TNS3: variants seen among roughly 807,000 people sequenced by gnomAD.
TNS3 encodes the protein tensin 3.
TNS3 carries 45 observed loss-of-function variants against 140.9 expected under a neutral mutation model. The observed-to-expected ratio is 0.32, with a 90% CI of 0.25 to 0.41. The LOEUF (loss-of-function observed/expected upper bound fraction) is 0.41, where lower values mean the gene tolerates loss of function less well. Ranked by LOEUF, TNS3 falls within the 10% of genes least tolerant of loss-of-function variation. The pLI is 1.00. For synonymous variants in TNS3, 815 were observed against 788.4 expected (o/e 1.03, Z -0.56); for missense variants, 1,716 against 1,906.7 (o/e 0.90, Z 1.86).
At chr7:47,460,278 C>CATG (rs1379232474) in intron 4 of TNS3, among the ~76,000 whole-genome samples, 1 of 151,204 alleles carries the variant, frequency 6.6e-6, no homozygotes, top group Non-Finnish European at 1.5e-5. Context: ...GAGGGGCAGC[C>CATG]ATGTGAGGAC....
intron 15 of TNS3, among the ~76,000 whole-genome samples, chr7:47,399,049 A>T (rs1792995230): frequency 6.6e-6 from 1 of 151,174 alleles, no homozygotes; most frequent in Non-Finnish European, 1.5e-5. Flanking sequence ...CTGACAATCA[A>T]ATTAAGAACT....
At chr7:47,516,973 G>A (rs866693145) in intron 2 of TNS3, among the ~76,000 whole-genome samples, 1 of 152,190 alleles carries the variant, frequency 6.6e-6, no homozygotes, top group African/African-American at 2.4e-5. Flanking sequence ...TGAGGCAGGA[G>A]AATCACTTGA....
chr7:47,554,279 A>T (rs926812992), intron 1 of TNS3, among the ~76,000 whole-genome samples: 10 of 150,904 alleles, frequency 6.6e-5, no homozygotes, highest in African/African-American at 2.2e-4. Flanking sequence ...TTAGCCAGGC[A>T]TGGTGGCGGG....
At chr7:47,466,670 T>G (rs1796730789) in intron 4 of TNS3, among the ~76,000 whole-genome samples, 1 of 152,198 alleles carries the variant, frequency 6.6e-6, no homozygotes, top group African/African-American at 2.4e-5. Flanking sequence ...CTCAGCTGTG[T>G]ACTTCCTGCA....
chr7:47,315,749 T>C (rs923065140), intron 20 of TNS3, among the ~76,000 whole-genome samples: 17 of 152,190 alleles, frequency 1.1e-4, no homozygotes, highest in Non-Finnish European at 1.3e-4. Context: ...AAGTTCATCC[T>C]CAGGAACCAT....
intron 1 of TNS3, among the ~76,000 whole-genome samples, chr7:47,543,252 A>C (rs572473186): frequency 8.8e-4 from 134 of 152,272 alleles, no homozygotes; most frequent in African/African-American, 3.1e-3. Flanking sequence ...CAGGGCACTC[A>C]CCCTCTGGGA....
At chr7:47,480,846 G>A (rs998528293) in intron 4 of TNS3, among the ~76,000 whole-genome samples, 3 of 152,198 alleles carry the variant, frequency 2.0e-5, no homozygotes, top group Non-Finnish European at 2.9e-5. Flanking sequence ...GATTCGCCCC[G>A]AAGGTAACTA....
In TNS3 at chr7:47,346,256, T is replaced by A. The variant is rs773176909; in HGVS notation, c.2382A>T (p.Ala794=). The A allele has an allele frequency of 1.2e-6, 2 of 1,614,188 alleles. No homozygotes were observed. The highest frequency in any genetic ancestry group is 1.7e-6 in the Non-Finnish European group (2 of 1,180,032). ...AGGQLPFSKC[A]WGKAGVDYAP... is the part of the protein sequence containing the mutation. Reference sequence around the variant, plus strand: ...CATAGTCCACACCAGCCTTTCCCCATGCACATTTGGAGAAGGGCAGCTGCC... The same window carrying A: ...CATAGTCCACACCAGCCTTTCCCCAAGCACATTTGGAGAAGGGCAGCTGCC... Residue 794 remains alanine (A), a synonymous_variant, in exon 18 of 31, where the codon GCA becomes GCT. Transcript: ENST00000311160.
intron 20 of TNS3, among the ~76,000 whole-genome samples, chr7:47,320,275 G>A (rs960404738): frequency 6.6e-6 from 1 of 152,070 alleles, no homozygotes; most frequent in Non-Finnish European, 1.5e-5. Context: ...GGAAACACAC[G>A]CACCACCCAG....
chr7:47,373,204 T>C (rs564118294), intron 16 of TNS3, among the ~76,000 whole-genome samples: 43 of 152,324 alleles, frequency 2.8e-4, no homozygotes, highest in Non-Finnish European at 5.1e-4. Context: ...TCCCTTTATC[T>C]TTGAAGATGG....
intron 1 of TNS3, among the ~76,000 whole-genome samples, chr7:47,567,023 T>A (rs1198838611): frequency 2.2e-5 from 2 of 89,508 alleles, no homozygotes; most frequent in African/African-American, 4.7e-5. Context: ...AAAGCCGGAC[T>A]CCATCTCAAA....
At chr7:47,311,948 G>A (rs542793652) in intron 20 of TNS3, among the ~76,000 whole-genome samples, 2 of 152,182 alleles carry the variant, frequency 1.3e-5, no homozygotes, top group Non-Finnish European at 2.9e-5. Flanking sequence ...GGGAAAGGAC[G>A]AGACACCAAT....
intron 1 of TNS3, among the ~76,000 whole-genome samples, chr7:47,563,475 G>C (rs118107203): frequency 2.0e-5 from 3 of 152,122 alleles, no homozygotes; most frequent in African/African-American, 7.2e-5. Flanking sequence ...GGACTCACTA[G>C]CAAGACTGAG....
At chr7:47,328,518 C>T (rs983713153) in intron 20 of TNS3, among the ~76,000 whole-genome samples, 9 of 152,134 alleles carry the variant, frequency 5.9e-5, no homozygotes, top group Non-Finnish European at 2.9e-5. Flanking sequence ...ACCCCCATTC[C>T]CCTGGGACCC....
chr7:47,339,122 T>C (rs1490435732), intron 20 of TNS3, among the ~76,000 whole-genome samples: 4 of 152,212 alleles, frequency 2.6e-5, no homozygotes, highest in African/African-American at 7.2e-5. Flanking sequence ...TTTGGACATG[T>C]GGTTTGCAAA....
At chr7:47,471,323 G>A (rs982766162) in intron 4 of TNS3, among the ~76,000 whole-genome samples, 15 of 152,178 alleles carry the variant, frequency 9.9e-5, no homozygotes, top group South Asian at 2.1e-4. Flanking sequence ...AACAGAGGCC[G>A]GGGCCAAGGG....
chr7:47,442,442 A>G (rs1795512818), intron 4 of TNS3, among the ~76,000 whole-genome samples: 1 of 152,212 alleles, frequency 6.6e-6, no homozygotes, highest in Non-Finnish European at 1.5e-5. Context: ...TTAATGAGTG[A>G]CTTTCAGGAA....
intron 11 of TNS3, among the ~76,000 whole-genome samples, chr7:47,414,632 TCAC>T (rs1793972833): frequency 2.0e-5 from 3 of 152,190 alleles, no homozygotes; most frequent in African/African-American, 4.8e-5. Flanking sequence ...CTCAGGGCCC[TCAC>T]CCTCAGCTAC....
intron 4 of TNS3, among the ~76,000 whole-genome samples, chr7:47,472,083 C>A (rs1036331143): frequency 6.6e-6 from 1 of 152,220 alleles, no homozygotes; most frequent in Admixed American, 6.5e-5. Context: ...GGTTCCTTGG[C>A]TTGCAGACAC....
Sources: allele counts gnomAD v4.1 joint callset (sites outside exome capture counted in the v4.1 genomes callset), GRCh38; gene constraint gnomAD v4.1.1; transcripts MANE v1.5; gene names NCBI Gene and HGNC (gene_info 2026-07-23, HGNC 2026-07-21).